The following PDE1C variants were observed in gnomAD, a reference collection of about 807,000 sequenced individuals.
PDE1C encodes dual specificity calcium/calmodulin-dependent 3',5'-cyclic nucleotide phosphodiesterase 1C.
A neutral mutation model predicts 93.1 loss-of-function variants in PDE1C; 62 were observed. That is an observed-to-expected ratio of 0.67 (90% CI 0.54 to 0.82). The LOEUF is 0.82. Ranked by LOEUF, PDE1C falls within the 40% of genes least tolerant of loss-of-function variation. The pLI is 0.00. For missense variants in PDE1C, 742 were observed against 884.6 expected, an observed-to-expected ratio of 0.84 and a Z score of 2.04; for synonymous variants, 325 against 310.1, an observed-to-expected ratio of 1.05 and a Z score of -0.50.
chr7:31,692,988 AACTG>A, the PDE1C span, among the ~76,000 whole-genome samples: 2 of 152,162 alleles, frequency 1.3e-5, no homozygotes, highest in African/African-American at 4.8e-5. Context: ...TCCTTTCCAG[AACTG>A]ACTTTTTGCA....
the PDE1C span, among the ~76,000 whole-genome samples, chr7:31,625,693 A>G: frequency 1.3e-5 from 2 of 152,188 alleles, no homozygotes; most frequent in African/African-American, 4.8e-5. Flanking sequence ...TAGTGGGTGC[A>G]GCGCACCAAC....
chr7:32,036,763 ACT>A (rs1253746463), intron 2 of PDE1C, among the ~76,000 whole-genome samples: 1 of 152,084 alleles, frequency 6.6e-6, no homozygotes, highest in Admixed American at 6.6e-5. Context: ...AGAAATAGAA[ACT>A]CTGAATATCC....
At chr7:31,971,023 T>C (rs994238880) in intron 2 of PDE1C, among the ~76,000 whole-genome samples, 4 of 152,092 alleles carry the variant, frequency 2.6e-5, no homozygotes, top group Non-Finnish European at 5.9e-5. Context: ...ATGCCTGTAA[T>C]CCCAGCTACT....
intron 2 of PDE1C, among the ~76,000 whole-genome samples, chr7:32,207,918 C>A (rs746142331): frequency 1.3e-5 from 2 of 152,260 alleles, no homozygotes; most frequent in Non-Finnish European, 2.9e-5. Flanking sequence ...ACAGCCCTCA[C>A]AGCGTGGTTG....
At chr7:31,651,232 C>G in the PDE1C span, 2 of 1,613,426 alleles carry the variant, frequency 1.2e-6, no homozygotes, top group Non-Finnish European at 1.7e-6. Context: ...TATGGGACAG[C>G]AGGCCCTCTT....
chr7:31,642,786 G>A, the PDE1C span: 49 of 1,613,956 alleles, frequency 3.0e-5, no homozygotes, highest in East Asian at 1.8e-4. Flanking sequence ...AGCTAGAGTC[G>A]GATGGGCCAG....
chr7:32,085,737 A>G (rs1339110298), intron 3 of PDE1C, among the ~76,000 whole-genome samples: 1 of 151,868 alleles, frequency 6.6e-6, no homozygotes, highest in Non-Finnish European at 1.5e-5. Flanking sequence ...ATATAAACAG[A>G]ACCAAAGACA....
intron 15 of PDE1C, among the ~76,000 whole-genome samples, chr7:31,809,667 G>C (rs1399262388): frequency 6.6e-6 from 1 of 152,054 alleles, no homozygotes; most frequent in Non-Finnish European, 1.5e-5. Flanking sequence ...ACTTATGAGG[G>C]AATAGTAAGA....
intron 1 of PDE1C, among the ~76,000 whole-genome samples, chr7:32,387,672 C>CG (rs1784661549): frequency 7.4e-6 from 1 of 134,850 alleles, no homozygotes; most frequent in African/African-American, 2.8e-5. Context: ...GCTGGCCGGG[C>CG]GGGGGGCTGA....
intron 1 of PDE1C, among the ~76,000 whole-genome samples, chr7:32,411,620 G>A (rs1785171432): frequency 6.6e-6 from 1 of 152,166 alleles, no homozygotes; most frequent in African/African-American, 2.4e-5. Context: ...GAAGGCCTGG[G>A]ACATTACTGT....
the PDE1C span, chr7:31,642,271 G>C: frequency 1.2e-4 from 190 of 1,532,212 alleles, no homozygotes; most frequent in Non-Finnish European, 1.6e-4. Flanking sequence ...AGGAGGGTTT[G>C]GAACAGGGCC....
chr7:32,299,292 A>G (rs1585095994), exon 1 of PDE1C: 1 of 986,060 alleles, frequency 1.0e-6, no homozygotes, highest in Non-Finnish European at 1.2e-6. Context: ...CCCCTCAGCC[A>G]TGAGATGTTG....
intron 1 of PDE1C, among the ~76,000 whole-genome samples, chr7:32,411,215 A>C (rs940432349): frequency 5.3e-5 from 8 of 152,176 alleles, no homozygotes; most frequent in African/African-American, 1.9e-4. Context: ...AATCAAATCA[A>C]ATTATAAAAA....
intron 1 of PDE1C, among the ~76,000 whole-genome samples, chr7:32,426,048 A>T (rs1209512627): frequency 1.3e-5 from 2 of 152,094 alleles, no homozygotes; most frequent in African/African-American, 4.8e-5. Context: ...ACACACAAAA[A>T]ATATATATAT....
intron 1 of PDE1C, among the ~76,000 whole-genome samples, chr7:32,063,768 T>C (rs764607796): frequency 1.3e-5 from 2 of 152,304 alleles, no homozygotes; most frequent in Middle Eastern, 3.4e-3. Context: ...CAAACACAAA[T>C]GTCTCCCTTC....
intron 7 of PDE1C, among the ~76,000 whole-genome samples, chr7:31,863,045 T>A (rs62455984): frequency 6.6e-6 from 1 of 152,238 alleles, no homozygotes; most frequent in East Asian, 1.9e-4. Context: ...ATAGTATTGC[T>A]TTGAATTTAT....
intron 2 of PDE1C, among the ~76,000 whole-genome samples, chr7:31,957,689 T>A (rs1205294260): frequency 1.3e-5 from 2 of 152,178 alleles, no homozygotes; most frequent in Non-Finnish European, 2.9e-5. Context: ...TTGCATACAC[T>A]GGTGTTCTCT....
intron 2 of PDE1C, among the ~76,000 whole-genome samples, chr7:32,049,766 G>T (rs30583): frequency 0.79 from 120,679 of 152,040 alleles, 48,169 homozygotes; most frequent in Non-Finnish European, 0.85. Context: ...GATACAGGCC[G>T]TCTAGATTGA....
At chr7:31,955,110 C>A (rs978419098) in intron 2 of PDE1C, among the ~76,000 whole-genome samples, 2 of 152,186 alleles carry the variant, frequency 1.3e-5, no homozygotes, top group African/African-American at 4.8e-5. Flanking sequence ...GGCAATAATT[C>A]CAGTACTACA....
Sources: gnomAD v4.1 joint callset for allele counts (sites outside exome capture counted in the v4.1 genomes callset) on GRCh38, gnomAD v4.1.1 for gene constraint, MANE v1.5 for transcripts, NCBI Gene and HGNC (gene_info 2026-07-23, HGNC 2026-07-21) for gene names.